Variants in AFF3 observed in about 807,000 individuals in gnomAD.
The protein encoded by AFF3 is ALF transcription elongation factor 3.
A neutral mutation model predicts 129.7 loss-of-function variants in AFF3; 32 were observed. The observed-to-expected ratio is 0.25, with a 90% CI of 0.19 to 0.33. The LOEUF (loss-of-function observed/expected upper bound fraction) is 0.33, where lower values mean the gene tolerates loss of function less well. Among genes scored for constraint, AFF3 ranks in the 10% least tolerant of loss-of-function variants. The pLI is 1.00. For synonymous variants in AFF3, 644 were observed against 635.4 expected (o/e 1.01, Z -0.20); for missense variants, 1,373 against 1,592.0 (o/e 0.86, Z 2.34).
intron 4 of AFF3, among the ~76,000 whole-genome samples, chr2:100,057,320 CAAAA>C (rs57672976): frequency 5.4e-5 from 3 of 55,058 alleles, no homozygotes; most frequent in Non-Finnish European, 6.8e-5. Flanking sequence ...GACTCTGTCT[CAAAA>C]AAAAAAAAAA....
intron 7 of AFF3, among the ~76,000 whole-genome samples, chr2:99,861,871 T>C (rs1033416159): frequency 3.9e-5 from 6 of 152,210 alleles, no homozygotes; most frequent in African/African-American, 1.4e-4. Flanking sequence ...AGTTTTACTA[T>C]ATATTTGTTC....
At chr2:100,003,018 T>TTTATATTATTCCATGAGCCAAAGA (rs1298657317) in intron 7 of AFF3, among the ~76,000 whole-genome samples, 2 of 151,660 alleles carry the variant, frequency 1.3e-5, no homozygotes, top group African/African-American at 2.4e-5. Context: ...TAGTAATGAT[T>TTTATATTATTCCATGAGCCAAAGA]TTATATTATT....
At chr2:99,844,225 T>A (rs996934587) in intron 7 of AFF3, among the ~76,000 whole-genome samples, 8 of 151,962 alleles carry the variant, frequency 5.3e-5, no homozygotes, top group East Asian at 3.9e-4. Flanking sequence ...ACATTAATTT[T>A]AAAAAAATTA....
At chr2:100,093,005 C>A (rs199818589) in intron 4 of AFF3, among the ~76,000 whole-genome samples, 26,720 of 151,720 alleles carry the variant, frequency 0.18, 2,055 homozygotes, top group Middle Eastern at 0.28. Context: ...AACCCAGACA[C>A]CTAGAAATCC....
intron 8 of AFF3, among the ~76,000 whole-genome samples, chr2:99,762,801 C>T (rs557411083): frequency 4.6e-5 from 7 of 152,292 alleles, no homozygotes; most frequent in East Asian, 3.9e-4. Context: ...ATGAATTCTG[C>T]GACTTGGGAA....
chr2:100,058,894 T>C (rs1687014765), intron 4 of AFF3, among the ~76,000 whole-genome samples: 1 of 152,130 alleles, frequency 6.6e-6, no homozygotes, highest in African/African-American at 2.4e-5. Flanking sequence ...ATAAGGGACT[T>C]GTACCTGAAA....
intron 13 of AFF3, among the ~76,000 whole-genome samples, chr2:99,610,921 G>A (rs1680855948): frequency 2.0e-5 from 3 of 152,120 alleles, no homozygotes; most frequent in Admixed American, 2.0e-4. Flanking sequence ...GAACTCTGAT[G>A]ACACCCACGT....
intron 7 of AFF3, among the ~76,000 whole-genome samples, chr2:100,005,623 C>G (rs1681899532): frequency 6.6e-6 from 1 of 151,960 alleles, no homozygotes; most frequent in South Asian, 2.1e-4. Context: ...AACGTGTAAT[C>G]AAAAAAAGTT....
chr2:99,822,543 G>A (rs1687767430), intron 8 of AFF3, among the ~76,000 whole-genome samples: 1 of 152,038 alleles, frequency 6.6e-6, no homozygotes, highest in Non-Finnish European at 1.5e-5. Flanking sequence ...TTAAACAGAT[G>A]AGCCTGTCAC....
intron 7 of AFF3, among the ~76,000 whole-genome samples, chr2:99,866,992 AAT>A (rs1258632537): frequency 9.2e-5 from 10 of 108,546 alleles, no homozygotes; most frequent in African/African-American, 3.4e-4. Flanking sequence ...TAATAATAAT[AAT>A]AATAATAAAA....
intron 9 of AFF3, among the ~76,000 whole-genome samples, chr2:99,746,406 T>C (rs1351487526): frequency 6.6e-6 from 1 of 152,174 alleles, no homozygotes; most frequent in Non-Finnish European, 1.5e-5. Context: ...AAAGAAATTC[T>C]ACTGAAACAG....
intron 11 of AFF3, among the ~76,000 whole-genome samples, chr2:99,695,593 G>C (rs912765462): frequency 1.3e-5 from 2 of 152,130 alleles, no homozygotes; most frequent in African/African-American, 4.8e-5. Flanking sequence ...ACCACAGTCA[G>C]GGCTGCCACA....
intron 3 of AFF3, chr2:100,104,781 G>T: frequency 2.2e-6 from 2 of 895,184 alleles, no homozygotes; most frequent in South Asian, 5.1e-5. Flanking sequence ...CCTCGCGGCG[G>T]CCCGGCCCGC....
intron 7 of AFF3, among the ~76,000 whole-genome samples, chr2:99,941,357 G>A (rs540416739): frequency 2.8e-4 from 43 of 152,296 alleles, no homozygotes; most frequent in African/African-American, 8.7e-4. Context: ...GAACAGCCTC[G>A]TGGGCAGTTT....
intron 4 of AFF3, among the ~76,000 whole-genome samples, chr2:100,040,771 G>A (rs1003759562): frequency 1.2e-4 from 18 of 152,248 alleles, no homozygotes; most frequent in African/African-American, 4.3e-4. Context: ...AGGGCTTGGG[G>A]AGGCAGCGTT....
intron 7 of AFF3, among the ~76,000 whole-genome samples, chr2:99,895,845 G>T (rs1693895577): frequency 6.6e-6 from 1 of 152,086 alleles, no homozygotes; most frequent in African/African-American, 2.4e-5. Context: ...GAGGTGGGTG[G>T]ATCACCTGAG....
intron 16 of AFF3, 55 bp downstream of exon 16, chr2:99,587,099 T>A: frequency 6.2e-7 from 1 of 1,607,546 alleles, no homozygotes; most frequent in Non-Finnish European, 8.5e-7. Context: ...AGCAGGTGAC[T>A]TTCAGACCCA....
At chr2:99,841,939 T>TTCC (rs1689345994) in intron 7 of AFF3, among the ~76,000 whole-genome samples, 1 of 152,138 alleles carries the variant, frequency 6.6e-6, no homozygotes, top group East Asian at 1.9e-4. Context: ...TGGGGTAAAT[T>TTCC]TCCTCCTCCT....
At chr2:99,615,384 G>C (rs1357040582) in intron 13 of AFF3, among the ~76,000 whole-genome samples, 1 of 152,228 alleles carries the variant, frequency 6.6e-6, no homozygotes, top group Non-Finnish European at 1.5e-5. Context: ...TTGAGAGACT[G>C]TGACAAGCGG....
Sources: gnomAD v4.1 joint callset for allele counts (sites outside exome capture counted in the v4.1 genomes callset) on GRCh38, gnomAD v4.1.1 for gene constraint, MANE v1.5 for transcripts, NCBI Gene and HGNC (gene_info 2026-07-23, HGNC 2026-07-21) for gene names.